The following ZNG1E variants were observed in gnomAD, a reference collection of about 807,000 sequenced individuals.
ZNG1E encodes zinc-regulated GTPase metalloprotein activator 1E.
the ZNG1E span, among the ~76,000 whole-genome samples, chr9:65,666,286 T>C: frequency 1.3e-5 from 2 of 150,488 alleles, no homozygotes; most frequent in East Asian, 3.9e-4. Flanking sequence ...CATGCTGTTT[T>C]TGTGATAGTG....
chr9:65,719,216 GC>G, the ZNG1E span, among the ~76,000 whole-genome samples: 239 of 140,330 alleles, frequency 1.7e-3, 5 homozygotes, highest in Admixed American at 2.8e-3. Flanking sequence ...CTTTTCCTGA[GC>G]AACCAGTTGG....
the ZNG1E span, among the ~76,000 whole-genome samples, chr9:65,714,419 G>T: frequency 4.5e-5 from 5 of 110,214 alleles, no homozygotes; most frequent in Non-Finnish European, 1.1e-4. Context: ...TTCTTTGGAG[G>T]AGGAGAGGCG....
chr9:65,666,279 G>T, the ZNG1E span, among the ~76,000 whole-genome samples: 2 of 150,444 alleles, frequency 1.3e-5, no homozygotes, highest in Non-Finnish European at 3.0e-5. Context: ...CCTTTCTCAT[G>T]CTGTTTTTGT....
chr9:65,677,642 G>T, the ZNG1E span, among the ~76,000 whole-genome samples: 132 of 151,290 alleles, frequency 8.7e-4, no homozygotes, highest in Non-Finnish European at 1.5e-3. Flanking sequence ...TAGCCTTAAT[G>T]ATCTTTATAA....
At chr9:65,672,465 G>T in the ZNG1E span, among the ~76,000 whole-genome samples, 7 of 99,872 alleles carry the variant, frequency 7.0e-5, no homozygotes, top group South Asian at 1.7e-3. Context: ...AAAAAAAAAA[G>T]CCCGGCACAG....
chr9:65,665,190 G>A, the ZNG1E span, among the ~76,000 whole-genome samples: 19 of 152,390 alleles, frequency 1.2e-4, no homozygotes, highest in East Asian at 3.3e-3. Flanking sequence ...TGGGGAAAGT[G>A]TCTCCAGGGC....
At chr9:65,685,069 A>AAG in the ZNG1E span, among the ~76,000 whole-genome samples, 3 of 143,474 alleles carry the variant, frequency 2.1e-5, no homozygotes, top group African/African-American at 5.2e-5. Flanking sequence ...AAAAAAAAAA[A>AAG]GCTGTGTTTA....
At chr9:65,680,661 G>T in the ZNG1E span, among the ~76,000 whole-genome samples, 1 of 152,260 alleles carries the variant, frequency 6.6e-6, no homozygotes, top group African/African-American at 2.4e-5. Context: ...TCACCGTTTG[G>T]TATATTTCTG....
At chr9:65,670,163 AG>A in the ZNG1E span, among the ~76,000 whole-genome samples, 1 of 71,616 alleles carries the variant, frequency 1.4e-5, no homozygotes, top group Non-Finnish European at 2.7e-5. Context: ...AAAATGAGAA[AG>A]AAAAAAACGA....
At chr9:65,678,556 A>G in the ZNG1E span, among the ~76,000 whole-genome samples, 5 of 146,836 alleles carry the variant, frequency 3.4e-5, 1 homozygote, top group African/African-American at 1.3e-4. Flanking sequence ...AAAAAGATAA[A>G]GAAATGATAT....
At chr9:65,681,487 A>C in the ZNG1E span, 2 of 1,540,166 alleles carry the variant, frequency 1.3e-6, no homozygotes, top group Non-Finnish European at 8.8e-7. Context: ...TTCTGCTTTA[A>C]GATCTCCATT....
At chr9:65,677,917 A>T in the ZNG1E span, among the ~76,000 whole-genome samples, 1 of 150,614 alleles carries the variant, frequency 6.6e-6, no homozygotes, top group Non-Finnish European at 1.5e-5. Flanking sequence ...CCTATTGAAT[A>T]TGTCACCCTG....
chr9:65,674,028 C>A, the ZNG1E span, among the ~76,000 whole-genome samples: 1 of 152,162 alleles, frequency 6.6e-6, no homozygotes, highest in Non-Finnish European at 1.5e-5. Flanking sequence ...TACTTCATAG[C>A]ATTCCTGAAA....
chr9:65,721,752 T>G, the ZNG1E span, among the ~76,000 whole-genome samples: 2 of 150,252 alleles, frequency 1.3e-5, no homozygotes, highest in African/African-American at 5.0e-5. Context: ...AGGGCATATC[T>G]ATATTTTTGT....
the ZNG1E span, among the ~76,000 whole-genome samples, chr9:65,711,750 G>T: frequency 4.7e-4 from 66 of 140,564 alleles, no homozygotes; most frequent in Non-Finnish European, 7.6e-4. Flanking sequence ...GCTGGATTCG[G>T]TTTGCCAGTA....
At chr9:65,691,586 A>C in the ZNG1E span, among the ~76,000 whole-genome samples, 4 of 152,380 alleles carry the variant, frequency 2.6e-5, no homozygotes, top group South Asian at 8.3e-4. Context: ...TTTTCTTTAA[A>C]AAAAACAATG....
At chr9:65,660,879 A>G in the ZNG1E span, among the ~76,000 whole-genome samples, 1 of 144,766 alleles carries the variant, frequency 6.9e-6, no homozygotes, top group African/African-American at 2.5e-5. Flanking sequence ...TATATAAATA[A>G]ATACATAAAC....
At chr9:65,731,535 AT>A in the ZNG1E span, 1 of 1,164,870 alleles carries the variant, frequency 8.6e-7, no homozygotes, top group Non-Finnish European at 1.2e-6. Flanking sequence ...GCAATGTAAA[AT>A]TCCATGAATA....
At chr9:65,659,382 C>CAG in the ZNG1E span, among the ~76,000 whole-genome samples, 2 of 151,328 alleles carry the variant, frequency 1.3e-5, no homozygotes, top group South Asian at 4.2e-4. Context: ...GTAATCCCAG[C>CAG]TACTCAGAAG....
Sources: allele counts gnomAD v4.1 joint callset (sites outside exome capture counted in the v4.1 genomes callset), GRCh38; gene constraint gnomAD v4.1.1; transcripts MANE v1.5; gene names NCBI Gene and HGNC (gene_info 2026-07-23, HGNC 2026-07-21).